CNTN4: variants seen among roughly 807,000 people sequenced by gnomAD.
CNTN4 encodes contactin 4.
CNTN4 carries 77 observed loss-of-function variants against 122.5 expected under a neutral mutation model. The observed-to-expected ratio is 0.63, with a 90% CI of 0.52 to 0.76. The LOEUF (loss-of-function observed/expected upper bound fraction) is 0.76. Among genes scored for constraint, CNTN4 ranks in the 30% least tolerant of loss-of-function variants. The probability of loss-of-function intolerance (pLI) is 0.00; values close to 1 mark genes in which losing one functional copy is unlikely to be tolerated. For missense variants in CNTN4, 1,256 were observed against 1,259.1 expected, an observed-to-expected ratio of 1.00 and a Z score of 0.04; for synonymous variants, 512 against 447.0, an observed-to-expected ratio of 1.15 and a Z score of -1.83.
Position 3,042,976 on chromosome 3 carries a change from G to A in CNTN4, c.2512-1G>A. ...CAAGGTCTTTCTGTTTATCTTCTTA[G>A]GTTAAATATTGGAGACATGAAGACA... On this transcript the variant is annotated splice_acceptor_variant, in intron 21 of 24. Coordinates refer to ENST00000418658, the MANE Select transcript of CNTN4 (RefSeq NM_175607.3). LOFTEE classifies it high-confidence loss of function. The A allele has an allele frequency of 6.2e-7, 1 of 1,612,574 alleles. No homozygotes were observed. Among genetic ancestry groups the A allele is most frequent in the South Asian group, 1.1e-5 (1 of 91,008 alleles).
chr3:2,399,501 T>C (rs2046762326), intron 3 of CNTN4, among the ~76,000 whole-genome samples: 1 of 152,144 alleles, frequency 6.6e-6, no homozygotes. Flanking sequence ...AAATAAGTTA[T>C]GCTAACTTAC....
chr3:2,770,618 C>T (rs904883846), intron 6 of CNTN4, among the ~76,000 whole-genome samples: 2 of 152,186 alleles, frequency 1.3e-5, no homozygotes, highest in East Asian at 1.9e-4. Flanking sequence ...TGCACTGACC[C>T]GTAAGGATTA....
intron 3 of CNTN4, among the ~76,000 whole-genome samples, chr3:2,409,393 G>A (rs569843714): frequency 6.6e-5 from 10 of 151,798 alleles, no homozygotes; most frequent in African/African-American, 2.4e-4. Flanking sequence ...GACTACAGGC[G>A]CCCGCCACCA....
In CNTN4 at chr3:3,053,918, T is replaced by G; in HGVS notation, c.2923T>G (p.Phe975Val). 6.2e-7 allele frequency: 1 copy of G among 1,614,208 alleles called. No individual in the cohort carries two copies. The highest frequency in any genetic ancestry group is 1.3e-5 in the African/African-American group (1 of 75,056). ...DEDYIIEIKP[F>V]SDGGDGSSSE... ...AGATTATATAATAGAAATTAAGCCA[T>G]TCAGCGACGGAGGAGATGGCAGCAG... The change falls in exon 24 of 25, where the codon TTC (phenylalanine) becomes GTC (valine). Residue 975 changes from phenylalanine (F) to valine (V), a missense_variant. Physicochemically the swap from Phe to Val is conservative, Grantham distance 50 (BLOSUM62 -1). Transcript: ENST00000418658.
chr3:3,041,865 C>T (rs1388670261), intron 20 of CNTN4, among the ~76,000 whole-genome samples: 2 of 152,048 alleles, frequency 1.3e-5, no homozygotes, highest in African/African-American at 2.4e-5. Context: ...GAGGCTGAGG[C>T]GGGAGGATGG....
chr3:2,101,281 AGGGCATCCG>A (rs2031931458), intron 2 of CNTN4, among the ~76,000 whole-genome samples: 1 of 152,182 alleles, frequency 6.6e-6, no homozygotes, highest in African/African-American at 2.4e-5. Flanking sequence ...AAATGTATAC[AGGGCATCCG>A]TTCCTTCAAT....
At chr3:2,433,472 T>A (rs2048150494) in intron 3 of CNTN4, among the ~76,000 whole-genome samples, 1 of 145,352 alleles carries the variant, frequency 6.9e-6, no homozygotes, top group African/African-American at 2.4e-5. Context: ...ATTTTTTTAT[T>A]AGGTTATTTG....
intron 4 of CNTN4, among the ~76,000 whole-genome samples, chr3:2,586,113 A>C (rs1232146222): frequency 2.6e-5 from 4 of 152,080 alleles, no homozygotes; most frequent in Non-Finnish European, 5.9e-5. Flanking sequence ...TGTATTATAG[A>C]TGGGGCAACT....
intron 3 of CNTN4, among the ~76,000 whole-genome samples, chr3:2,356,402 C>T (rs187305248): frequency 2.6e-5 from 4 of 152,226 alleles, no homozygotes; most frequent in Admixed American, 2.6e-4. Flanking sequence ...GAGTTCCTCC[C>T]CTTTTTAGAC....
chr3:2,384,089 C>G (rs1002179984), intron 3 of CNTN4, among the ~76,000 whole-genome samples: 11 of 152,038 alleles, frequency 7.2e-5, no homozygotes, highest in African/African-American at 2.4e-4. Context: ...AGATTAGGGC[C>G]TACTTTATAC....
chr3:2,602,247 A>G (rs1428346825), intron 4 of CNTN4, among the ~76,000 whole-genome samples: 2 of 152,204 alleles, frequency 1.3e-5, no homozygotes, highest in East Asian at 3.9e-4. Flanking sequence ...GGCCAGGGCA[A>G]TCAGGCAGGA....
At chr3:3,013,245 C>T (rs953754356) in intron 14 of CNTN4, among the ~76,000 whole-genome samples, 1 of 152,078 alleles carries the variant, frequency 6.6e-6, no homozygotes, top group South Asian at 2.1e-4. Context: ...TCAGAGACGT[C>T]GAATGACTTG....
chr3:2,603,137 T>G (rs114098084), intron 4 of CNTN4, among the ~76,000 whole-genome samples: 1 of 152,164 alleles, frequency 6.6e-6, no homozygotes. Flanking sequence ...TTTCTGAGAA[T>G]TTTGTTTTTT....
At chr3:2,496,228 A>G (rs1219962535) in intron 3 of CNTN4, among the ~76,000 whole-genome samples, 1 of 152,148 alleles carries the variant, frequency 6.6e-6, no homozygotes, top group African/African-American at 2.4e-5. Flanking sequence ...TTTACTCTTG[A>G]TGACGTCCGA....
chr3:2,498,653 G>A (rs2076515663), intron 3 of CNTN4, among the ~76,000 whole-genome samples: 1 of 151,924 alleles, frequency 6.6e-6, no homozygotes, highest in Non-Finnish European at 1.5e-5. Flanking sequence ...GCTAATTTTT[G>A]TATTTTTTTG....
chr3:2,938,369 A>T (rs1444375615), intron 13 of CNTN4, among the ~76,000 whole-genome samples: 1 of 152,016 alleles, frequency 6.6e-6, no homozygotes, highest in Admixed American at 6.6e-5. Flanking sequence ...CCCTCTGCTT[A>T]ATTTCTTTTA....
At chr3:2,907,399 C>A (rs921517077) in intron 12 of CNTN4, among the ~76,000 whole-genome samples, 10 of 151,978 alleles carry the variant, frequency 6.6e-5, no homozygotes, top group African/African-American at 2.4e-4. Context: ...ATGGCAAAAC[C>A]CCATCTCTAC....
At chr3:2,895,772 C>T (rs540025433) in intron 10 of CNTN4, among the ~76,000 whole-genome samples, 24 of 152,316 alleles carry the variant, frequency 1.6e-4, no homozygotes, top group South Asian at 4.1e-4. Flanking sequence ...CAGTGGCTCA[C>T]GCCTGTCATC....
intron 3 of CNTN4, among the ~76,000 whole-genome samples, chr3:2,539,138 A>G (rs2077931889): frequency 6.6e-6 from 1 of 152,198 alleles, no homozygotes; most frequent in Non-Finnish European, 1.5e-5. Flanking sequence ...AATTATTTTC[A>G]TAAGGATTTT....
Sources: gnomAD v4.1 joint callset for allele counts (sites outside exome capture counted in the v4.1 genomes callset) on GRCh38, gnomAD v4.1.1 for gene constraint, MANE v1.5 for transcripts, NCBI Gene and HGNC (gene_info 2026-07-23, HGNC 2026-07-21) for gene names.